Variants in RPTOR observed in about 807,000 individuals in gnomAD.
The protein encoded by RPTOR is regulatory associated protein of MTOR complex 1, also known as regulatory-associated protein of mTOR.
A neutral mutation model predicts 169.9 loss-of-function variants in RPTOR; 21 were observed. The ratio of observed to expected loss-of-function variants is 0.12; its 90% CI spans 0.09 to 0.18. The LOEUF is 0.18. RPTOR is among the 10% of genes least tolerant of loss of function. The pLI, the probability that RPTOR is intolerant of heterozygous loss-of-function variation, is 1.00. For synonymous variants in RPTOR, 732 were observed against 753.2 expected (o/e 0.97, Z 0.46); for missense variants, 1,133 against 1,855.9 (o/e 0.61, Z 7.16).
intron 3 of RPTOR, among the ~76,000 whole-genome samples, chr17:80,697,871 G>A (rs2066050545): frequency 6.6e-6 from 1 of 152,214 alleles, no homozygotes; most frequent in African/African-American, 2.4e-5. Context: ...CCTGAAGGTG[G>A]TTGGGGTGTT....
In RPTOR at chr17:80,708,357, C is replaced by A. The variant is rs74002838; in HGVS notation, c.507+358C>A. 1.3e-5 allele frequency among the ~76,000 whole-genome samples: 2 copies of A among 152,122 alleles called. No individual in the cohort carries two copies. Among genetic ancestry groups the A allele is most frequent in the African/African-American group, 2.4e-5 (1 of 41,400 alleles). On this transcript the variant is annotated intron_variant, in intron 4 of 33. Transcript: ENST00000306801. The surrounding 1 kb of genome is among the most constrained non-coding windows in gnomAD (Gnocchi z 4.2). ...TTCGTTAGAATCTTTCTTTAAGCAT[C>A]GGTGATTTTCTTAGAAAATAAAGTG... is the stretch of plus-strand genomic sequence containing the variant.
In RPTOR at chr17:80,820,283, T is replaced by C. The variant is rs1170777183; in HGVS notation, c.891-1918T>C. Reference sequence around the variant, plus strand: ...TGCGGAACAGTTATTGACGATCTTGTCAGTCATTTCATTAAAACGGTTTTC... The same window carrying C: ...TGCGGAACAGTTATTGACGATCTTGCCAGTCATTTCATTAAAACGGTTTTC... On this transcript the variant is annotated intron_variant, in intron 7 of 33. Transcript: ENST00000306801. This position sits in a 1 kb window ranked among gnomAD's most constrained non-coding sequence, Gnocchi z 4.1. Among the ~76,000 whole-genome samples the C allele has an allele frequency of 6.6e-6, 1 of 151,998 alleles. No homozygotes were observed. The highest frequency in any genetic ancestry group is 1.5e-5 in the Non-Finnish European group (1 of 67,994).
At chr17:80,753,489 C>T (rs138245232) in intron 5 of RPTOR, among the ~76,000 whole-genome samples, 2,900 of 151,562 alleles carry the variant, frequency 0.019, 102 homozygotes, top group African/African-American at 0.067. Flanking sequence ...AAAAATTAGC[C>T]GGGCATGGTG....
chr17:80,546,336 T>A (rs950561871), intron 1 of RPTOR, among the ~76,000 whole-genome samples: 2 of 152,244 alleles, frequency 1.3e-5, no homozygotes, highest in African/African-American at 4.8e-5. Flanking sequence ...TAGATTTTCC[T>A]CCTTTTATGT....
At chr17:80,561,263 G>GTGTATA (rs1297941814) in intron 1 of RPTOR, among the ~76,000 whole-genome samples, 2 of 19,606 alleles carry the variant, frequency 1.0e-4, no homozygotes, top group African/African-American at 1.8e-4. Flanking sequence ...ATATATATAT[G>GTGTATA]TATATATATA....
chr17:80,726,015 G>T lies in RPTOR; in HGVS notation c.508-4545G>T, dbSNP rs780761362. On this transcript the variant is annotated intron_variant, in intron 4 of 33. Coordinates refer to ENST00000306801, the MANE Select transcript of RPTOR (RefSeq NM_020761.3). This position sits in a 1 kb window ranked among gnomAD's most constrained non-coding sequence, Gnocchi z 4.5. ...CTAGGTGTGGGGGTGGCTGGGTGGT[G>T]CTGCGGAAGATTGTGTGGTGCACAG... 2.0e-5 allele frequency among the ~76,000 whole-genome samples: 3 copies of T among 152,204 alleles called. No homozygotes were observed. The highest frequency in any genetic ancestry group is 2.4e-5 in the African/African-American group (1 of 41,446).
intron 24 of RPTOR, among the ~76,000 whole-genome samples, chr17:80,933,176 A>G (rs2090203): frequency 0.31 from 46,484 of 152,100 alleles, 7,306 homozygotes; most frequent in Middle Eastern, 0.37. Flanking sequence ...CATATTGGAA[A>G]GAAGAATAAA....
intron 7 of RPTOR, among the ~76,000 whole-genome samples, chr17:80,818,760 A>G (rs542202073): frequency 1.3e-5 from 2 of 152,306 alleles, no homozygotes; most frequent in South Asian, 2.1e-4. Flanking sequence ...TTTCAGGACC[A>G]TGTTGGGAGA....
At chr17:80,566,596 G>A (rs1351992365) in intron 1 of RPTOR, among the ~76,000 whole-genome samples, 1 of 151,738 alleles carries the variant, frequency 6.6e-6, no homozygotes, top group African/African-American at 2.4e-5. Flanking sequence ...CGAGGCAGGC[G>A]GATCATGAGG....
chr17:80,856,328 A>T (rs993895908), intron 12 of RPTOR, among the ~76,000 whole-genome samples: 4 of 152,234 alleles, frequency 2.6e-5, no homozygotes, highest in African/African-American at 9.6e-5. Flanking sequence ...AGAGATAGAC[A>T]CTGAATATTC....
At chr17:80,927,949 A>G (rs940329234) in intron 24 of RPTOR, among the ~76,000 whole-genome samples, 1 of 151,956 alleles carries the variant, frequency 6.6e-6, no homozygotes, top group Admixed American at 6.6e-5. Flanking sequence ...ACTGCAGAGG[A>G]GATTAGTCCA....
At chr17:80,863,092 G>A (rs2067938759) in intron 13 of RPTOR, among the ~76,000 whole-genome samples, 1 of 152,198 alleles carries the variant, frequency 6.6e-6, no homozygotes, top group Non-Finnish European at 1.5e-5. Context: ...CTTAAAGAAG[G>A]TGGGCTCGGG....
chr17:80,655,960 G>A (rs976091805), intron 3 of RPTOR, among the ~76,000 whole-genome samples: 4 of 152,104 alleles, frequency 2.6e-5, no homozygotes, highest in African/African-American at 4.8e-5. Flanking sequence ...GAGTGAACAC[G>A]GAAGGGAGAC....
At chr17:80,630,390 AT>A (rs1394443740) in intron 2 of RPTOR, among the ~76,000 whole-genome samples, 1 of 152,214 alleles carries the variant, frequency 6.6e-6, no homozygotes, top group Non-Finnish European at 1.5e-5. Flanking sequence ...TCTTAGAGTG[AT>A]TAGTTGGTGC....
chr17:80,947,041 T>C lies in RPTOR; in HGVS notation c.3141-186T>C, dbSNP rs568952130. Among the ~76,000 whole-genome samples the C allele has an allele frequency of 1.8e-4, 27 of 152,336 alleles. No homozygotes were observed. Among genetic ancestry groups the C allele is most frequent in the African/African-American group, 6.3e-4 (26 of 41,580 alleles). ...TTTGTTGTCCAGGCTGGTCTTGAAC[T>C]CCCAGGCTCCAACAGTCCTCCTGCT... On this transcript the variant is annotated intron_variant, in intron 26 of 33. Coordinates refer to ENST00000306801, the MANE Select transcript of RPTOR (RefSeq NM_020761.3). This position sits in a 1 kb window ranked among gnomAD's most constrained non-coding sequence, Gnocchi z 4.4.
chr17:80,600,406 A>C (rs1288266629), intron 1 of RPTOR, among the ~76,000 whole-genome samples: 1 of 152,184 alleles, frequency 6.6e-6, no homozygotes, highest in Non-Finnish European at 1.5e-5. Flanking sequence ...AAAATCACCC[A>C]GCTGTAAATG....
intron 7 of RPTOR, among the ~76,000 whole-genome samples, chr17:80,819,446 G>A (rs1031203852): frequency 3.3e-5 from 5 of 152,358 alleles, no homozygotes; most frequent in Middle Eastern, 3.4e-3. Flanking sequence ...ACTGCTTGTA[G>A]CTGCTGCGTC....
intron 6 of RPTOR, among the ~76,000 whole-genome samples, chr17:80,767,465 A>G (rs188179952): frequency 2.0e-5 from 3 of 152,374 alleles, no homozygotes; most frequent in East Asian, 3.9e-4. Context: ...CTTAGATGCA[A>G]TGGATAAATT....
chr17:80,906,103 G>A lies in RPTOR; in HGVS notation c.2402-2708G>A, dbSNP rs77873128. Among the ~76,000 whole-genome samples, 1,211 of 152,186 alleles carry A rather than the reference G, an allele frequency of 8.0e-3. 25 individuals are homozygous for A. Among genetic ancestry groups the A allele is most frequent in the East Asian group, 0.07 (361 of 5,174 alleles). ...CCTGTCACCCATGTTAGAGAGTGTC[G>A]TGGAGCTAGGCGGTAGCGAACTTCG... On this transcript the variant is annotated intron_variant, in intron 20 of 33. Transcript: ENST00000306801.
Sources: gnomAD v4.1 joint callset for allele counts (sites outside exome capture counted in the v4.1 genomes callset) on GRCh38, gnomAD v4.1.1 for gene constraint, Gnocchi (gnomAD v3.1) non-coding constraint, MANE v1.5 for transcripts, NCBI Gene and HGNC (gene_info 2026-07-23, HGNC 2026-07-21) for gene names.